The following FASTKD1 variants were observed in gnomAD, a reference collection of about 807,000 sequenced individuals.
The protein encoded by FASTKD1 is FAST kinase domains 1.
Under a neutral mutation model 90.9 loss-of-function variants are expected in FASTKD1, and 94 were observed. The ratio of observed to expected loss-of-function variants is 1.03; its 90% CI spans 0.88 to 1.23. FASTKD1 has a LOEUF of 1.23. Ranked by LOEUF, FASTKD1 falls within the 50% of genes most tolerant of loss-of-function variation. FASTKD1 has a pLI of 0.00. For synonymous variants in FASTKD1, 319 were observed against 345.8 expected, an observed-to-expected ratio of 0.92 and a Z score of 0.86; for missense variants, 945 against 993.5, an observed-to-expected ratio of 0.95 and a Z score of 0.66.
chr2:169,555,930 C>T (rs922576374), intron 6 of FASTKD1, among the ~76,000 whole-genome samples: 1 of 151,994 alleles, frequency 6.6e-6, no homozygotes, highest in South Asian at 2.1e-4. Flanking sequence ...AAAATTACAG[C>T]CTTGGTGGTA....
chr2:169,569,158 C>T (rs764964719), intron 3 of FASTKD1, 26 bp downstream of exon 3: 3 of 1,595,308 alleles, frequency 1.9e-6, no homozygotes, highest in Non-Finnish European at 2.6e-6. Context: ...TAACCCTGAT[C>T]TTCAAGATGA....
chr2:169,548,057 A>C (rs921094715), intron 7 of FASTKD1, among the ~76,000 whole-genome samples: 1 of 151,470 alleles, frequency 6.6e-6, no homozygotes, highest in Non-Finnish European at 1.5e-5. Flanking sequence ...CTTTAAGTAT[A>C]GAAATAGTGG....
At position 169,546,292 on chromosome 2, in the gene FASTKD1, T is replaced by A. The variant is rs776368789; in HGVS notation, c.1627A>T (p.Ile543Phe). ...YINVGEIASFISSTDYLSTLL... is the reference protein window; with the variant it reads ...YINVGEIASFFSSTDYLSTLL... ...GTACTGAGGTAATCAGTACTAGAAATAAAAGATGCAATCTCCCCAACATTT... is the reference window on the plus strand; with the variant it reads ...GTACTGAGGTAATCAGTACTAGAAAAAAAAGATGCAATCTCCCCAACATTT... Residue 543 changes from isoleucine (I) to phenylalanine (F), a missense_variant, in exon 8 of 15, where the codon ATT becomes TTT. Coordinates refer to ENST00000453153, the MANE Select transcript of FASTKD1 (RefSeq NM_024622.6). The A allele has an allele frequency of 1.2e-6, 2 of 1,613,816 alleles. No homozygotes were observed. The highest frequency in any genetic ancestry group is 8.5e-7 in the Non-Finnish European group (1 of 1,179,866).
chr2:169,553,440 TAAG>T (rs1418117075), intron 7 of FASTKD1, among the ~76,000 whole-genome samples: 1 of 152,074 alleles, frequency 6.6e-6, no homozygotes, highest in Admixed American at 6.5e-5. Flanking sequence ...CTTACCATCT[TAAG>T]AAGAAAATTA....
In FASTKD1 at chr2:169,571,948, C is replaced by T; in HGVS notation, c.82G>A (p.Val28Met). Residue 28 changes from valine to methionine, a missense_variant, in exon 2 of 15, where the codon GTG becomes ATG. Val to Met is a conservative substitution (Grantham distance 21, BLOSUM62 1). Transcript: ENST00000453153. ...LRAICPFSWR[V>M]FQFRPISCEP... ...CAACTGATGGGTCGAAATTGAAACACTCTCCAGGAGAATGGACAAATAGCT... is the reference window on the plus strand; with the variant it reads ...CAACTGATGGGTCGAAATTGAAACATTCTCCAGGAGAATGGACAAATAGCT... 7 of 1,614,078 alleles carry T rather than the reference C, an allele frequency of 4.3e-6. No homozygotes were observed. The highest frequency in any genetic ancestry group is 5.9e-6 in the Non-Finnish European group (7 of 1,180,004).
Position 169,546,416 on chromosome 2 carries a change from C to G in FASTKD1, c.1503G>C (p.Arg501=). Residue 501 remains arginine, a synonymous_variant, in exon 8 of 15, where the codon CGG becomes CGC. Transcript: ENST00000453153. ...TTCCTTTGAGAGATTTAAGTTCCTTCCGTAACAGATCCAAACTGTTGCTGT... is the reference window on the plus strand; with the variant it reads ...TTCCTTTGAGAGATTTAAGTTCCTTGCGTAACAGATCCAAACTGTTGCTGT... ...LQHSNSLDLL[R]KELKSLKGNT... The G allele has an allele frequency of 6.2e-7, 1 of 1,614,136 alleles. No homozygotes were observed. The highest frequency in any genetic ancestry group is 1.7e-5 in the Admixed American group (1 of 60,028).
chr2:169,564,345 A>G (rs988763017), intron 3 of FASTKD1, among the ~76,000 whole-genome samples: 2 of 152,114 alleles, frequency 1.3e-5, no homozygotes, highest in Non-Finnish European at 2.9e-5. Context: ...TTTAAGACAC[A>G]GTGTCTCACT....
intron 9 of FASTKD1, among the ~76,000 whole-genome samples, chr2:169,541,239 T>C (rs1203193662): frequency 6.6e-6 from 1 of 152,260 alleles, no homozygotes; most frequent in Non-Finnish European, 1.5e-5. Flanking sequence ...TTTAAAACTT[T>C]CTCTGATTAA....
At position 169,563,170 on chromosome 2, in the gene FASTKD1, C is replaced by G. The variant is rs1683784439; in HGVS notation, c.572+55G>C. On this transcript the variant is annotated intron_variant, in intron 4 of 14. Transcript: ENST00000453153. ...AGAGTAGCAAATCTGACTGCATCCA[C>G]ATCCAAAGCCCAGGATCTTTCCACC... The G allele has an allele frequency of 7.7e-6, 12 of 1,554,732 alleles. 1 individual carries two copies. The South Asian group carries it at 1.4e-4, about 18-fold the overall frequency.
At chr2:169,562,408 T>G (rs1480428929) in intron 4 of FASTKD1, among the ~76,000 whole-genome samples, 2 of 151,956 alleles carry the variant, frequency 1.3e-5, no homozygotes, top group African/African-American at 2.4e-5. Flanking sequence ...AATTTTGTAT[T>G]TTTTGTAGAG....
chr2:169,568,487 T>C (rs1315625972), intron 3 of FASTKD1, among the ~76,000 whole-genome samples: 1 of 151,600 alleles, frequency 6.6e-6, no homozygotes, highest in Non-Finnish European at 1.5e-5. Flanking sequence ...TGAAATACTT[T>C]CTTTTCTCTC....
rs767118884 is a variant in FASTKD1 at position 169,557,170 on chromosome 2, A to C, written c.1082+17T>G. ...GAATGACAACAAACTTAACGTCGTA[A>C]ATTTCAGAAAAGATACCTTTTAATC... is the stretch of plus-strand genomic sequence containing the variant. On this transcript the variant is annotated intron_variant, in intron 6 of 14. Coordinates refer to ENST00000453153, the MANE Select transcript of FASTKD1 (RefSeq NM_024622.6). 6 of 1,511,086 alleles carry C rather than the reference A, an allele frequency of 4.0e-6. No individual in the cohort carries two copies. The South Asian group carries it at 5.7e-5, about 14-fold the overall frequency. The allele number at this position is 1,511,086 out of a possible 1,614,324, so 93.6% of individuals were successfully genotyped here.
chr2:169,534,150 C>T (rs1684614075), intron 12 of FASTKD1, among the ~76,000 whole-genome samples: 1 of 133,866 alleles, frequency 7.5e-6, no homozygotes, highest in African/African-American at 2.9e-5. Flanking sequence ...CTGCACTGCA[C>T]TCCAACCTGG....
At chr2:169,546,953 T>C (rs1253623532) in intron 7 of FASTKD1, among the ~76,000 whole-genome samples, 1 of 152,104 alleles carries the variant, frequency 6.6e-6, no homozygotes, top group African/African-American at 2.4e-5. Flanking sequence ...TCTGACACAA[T>C]CTACCTGGGG....
intron 12 of FASTKD1, among the ~76,000 whole-genome samples, chr2:169,536,542 T>G (rs1559139125): frequency 6.6e-6 from 1 of 152,208 alleles, no homozygotes; most frequent in African/African-American, 2.4e-5. Context: ...TATACCAAGT[T>G]TATAATCCTT....
At chr2:169,553,121 C>T (rs989722570) in intron 7 of FASTKD1, among the ~76,000 whole-genome samples, 1 of 151,950 alleles carries the variant, frequency 6.6e-6, no homozygotes, top group African/African-American at 2.4e-5. Flanking sequence ...AGGAAAATCG[C>T]TTGAACCTGG....
At chr2:169,553,882 A>C (rs1321023289) in intron 7 of FASTKD1, among the ~76,000 whole-genome samples, 1 of 152,106 alleles carries the variant, frequency 6.6e-6, no homozygotes, top group Admixed American at 6.6e-5. Context: ...AGATCGTGCC[A>C]CTGCACTCCA....
Position 169,545,791 on chromosome 2 carries a change from G to A in FASTKD1, c.1701+427C>T, listed in dbSNP as rs138350964. The stretch of plus-strand genomic sequence containing the variant: ...CATTCATACTCCACTGTCCTAACAT[G>A]AGTATCCTCAAAGAATTGATTACTA... On this transcript the variant is annotated intron_variant, in intron 8 of 14. Transcript: ENST00000453153. 9.1e-4 allele frequency among the ~76,000 whole-genome samples: 139 copies of A among 152,310 alleles called. 1 individual carries two copies. In the East Asian group the frequency reaches 0.018, roughly 20 times the overall value.
In FASTKD1 at chr2:169,538,125, T is replaced by A; in HGVS notation, c.1962A>T (p.Arg654=). The A allele has an allele frequency of 4.4e-6, 7 of 1,604,016 alleles. No individual in the cohort carries two copies. Among genetic ancestry groups the A allele is most frequent in the Non-Finnish European group, 5.1e-6 (6 of 1,177,066 alleles). The stretch of plus-strand genomic sequence containing the variant: ...TAAGATGAAACTGGACTCTTGCACT[T>A]CGAGATGGAGATAAAACTGAAATTA... ...DSQLEILSPS[R]SARVQFHLME... The change falls in exon 11 of 15, where the codon CGA becomes CGT. Residue 654 remains arginine, a synonymous_variant. Transcript: ENST00000453153.
Sources: gnomAD v4.1 joint callset for allele counts (sites outside exome capture counted in the v4.1 genomes callset) on GRCh38, gnomAD v4.1.1 for gene constraint, MANE v1.5 for transcripts, NCBI Gene and HGNC (gene_info 2026-07-23, HGNC 2026-07-21) for gene names.